DENND1B: variants seen among roughly 807,000 people sequenced by gnomAD.
The protein encoded by DENND1B is DENN domain containing 1B, also known as DENN domain-containing protein 1B.
In DENND1B, 59 loss-of-function variants were observed where a neutral mutation model predicts 90.1. The ratio of observed to expected loss-of-function variants is 0.65; its 90% CI spans 0.53 to 0.81. The LOEUF (loss-of-function observed/expected upper bound fraction) is 0.81. Ranked by LOEUF, DENND1B falls within the 40% of genes least tolerant of loss-of-function variation. The pLI, the probability that DENND1B is intolerant of heterozygous loss-of-function variation, is 0.00. For synonymous variants in DENND1B, 337 were observed against 324.6 expected (o/e 1.04, Z -0.41); for missense variants, 862 against 912.6 (o/e 0.94, Z 0.71).
chr1:197,638,321 T>C (rs1438505825), intron 10 of DENND1B, among the ~76,000 whole-genome samples: 1 of 152,150 alleles, frequency 6.6e-6, no homozygotes, highest in Admixed American at 6.5e-5. Context: ...TGAGGGTGAA[T>C]TTACTAACTA....
At chr1:197,650,925 C>T (rs1158836352) in intron 7 of DENND1B, among the ~76,000 whole-genome samples, 1 of 152,050 alleles carries the variant, frequency 6.6e-6, no homozygotes, top group South Asian at 2.1e-4. Flanking sequence ...GTGTATACTG[C>T]TAGAGTGATG....
intron 2 of DENND1B, among the ~76,000 whole-genome samples, chr1:197,750,897 G>T: frequency 6.6e-6 from 1 of 152,100 alleles, no homozygotes; most frequent in East Asian, 1.9e-4. Context: ...AGACATAATA[G>T]TTGTAAATGT....
At position 197,510,278 on chromosome 1, in the gene DENND1B, A is replaced by G. The variant is rs1307040104; in HGVS notation, c.*182T>C. On this transcript the variant is annotated 3_prime_UTR_variant, in exon 23 of 23. Transcript: ENST00000620048. ...GTACCTGATTTAAAAGCACAGTAGA[A>G]TTCGCTTTATATTTAAAAATCAATG... 5 of 673,722 alleles carry G rather than the reference A, an allele frequency of 7.4e-6. No homozygotes were observed. The highest frequency in any genetic ancestry group is 6.6e-5 in the Admixed American group (2 of 30,214). The allele number at this position is 673,722 out of a possible 1,614,324, so 41.7% of individuals were successfully genotyped here. A position where few individuals can be genotyped will look rare whatever the true frequency, so the allele number is the denominator to read the frequency against.
intron 15 of DENND1B, among the ~76,000 whole-genome samples, chr1:197,568,595 A>G (rs1312486874): frequency 2.0e-5 from 3 of 152,178 alleles, no homozygotes; most frequent in Non-Finnish European, 4.4e-5. Context: ...TCTGATCTCA[A>G]AATATACTAT....
chr1:197,664,668 G>C (rs1027550665), intron 5 of DENND1B, among the ~76,000 whole-genome samples: 5 of 152,092 alleles, frequency 3.3e-5, no homozygotes, highest in African/African-American at 9.7e-5. Context: ...CAATCAGCAG[G>C]AACCTAACTT....
At chr1:197,775,028 C>T in intron 1 of DENND1B, 111 bp downstream of exon 1, 2 of 774,874 alleles carry the variant, frequency 2.6e-6, no homozygotes, top group Admixed American at 4.8e-5. Context: ...CCCGGCCAAC[C>T]TCGGCCGCCC....
At chr1:197,684,417 C>G (rs1006595558) in intron 3 of DENND1B, among the ~76,000 whole-genome samples, 1 of 152,062 alleles carries the variant, frequency 6.6e-6, no homozygotes, top group African/African-American at 2.4e-5. Flanking sequence ...AGATTGCAAT[C>G]GATAATCAGC....
At chr1:197,763,531 A>G (rs1655357658) in intron 2 of DENND1B, among the ~76,000 whole-genome samples, 1 of 152,190 alleles carries the variant, frequency 6.6e-6, no homozygotes, top group Non-Finnish European at 1.5e-5. Flanking sequence ...TAAATGCAAC[A>G]ATCCCCTGCC....
At chr1:197,626,561 T>A (rs1345288182) in intron 10 of DENND1B, among the ~76,000 whole-genome samples, 10 of 152,054 alleles carry the variant, frequency 6.6e-5, no homozygotes, top group East Asian at 1.9e-4. Flanking sequence ...CTAAATGCCC[T>A]CAAGAGAAAG....
At chr1:197,571,801 GAA>G (rs778962541) in intron 15 of DENND1B, among the ~76,000 whole-genome samples, 10 of 152,104 alleles carry the variant, frequency 6.6e-5, no homozygotes, top group Non-Finnish European at 1.0e-4. Flanking sequence ...TAGACACACA[GAA>G]AAAAGAGTAC....
chr1:197,692,979 C>T (rs1658062188), intron 3 of DENND1B, among the ~76,000 whole-genome samples: 1 of 151,648 alleles, frequency 6.6e-6, no homozygotes, highest in Non-Finnish European at 1.5e-5. Context: ...AAATTAAAAA[C>T]ATCATCTTCC....
chr1:197,746,184 G>C (rs1663728499), intron 2 of DENND1B, among the ~76,000 whole-genome samples: 2 of 152,150 alleles, frequency 1.3e-5, no homozygotes, highest in Non-Finnish European at 2.9e-5. Context: ...ATCAGGCCAG[G>C]AGTTCAAGAC....
At chr1:197,587,442 C>T (rs1251269474) in intron 14 of DENND1B, among the ~76,000 whole-genome samples, 1 of 152,042 alleles carries the variant, frequency 6.6e-6, no homozygotes, top group African/African-American at 2.4e-5. Flanking sequence ...GATGGAAAGC[C>T]CAACAAAGGA....
chr1:197,610,521 A>C (rs1677088804), intron 12 of DENND1B, among the ~76,000 whole-genome samples: 1 of 150,698 alleles, frequency 6.6e-6, no homozygotes, highest in African/African-American at 2.4e-5. Flanking sequence ...ATAAATAAAT[A>C]AACATGTTAT....
chr1:197,511,785 T>A lies in DENND1B; in HGVS notation c.1758A>T (p.Ala586=). The part of the protein sequence containing the change: ...STHSSDQGKL[A]AAKSLDFFRS... ...TAAAGAAATCCAAGCTCTTTGCAGC[T>A]GCCAGCTTCCCCTGATCTGAGCTGT... The change falls in exon 22 of 23, where the codon GCA becomes GCT. Residue 586 remains alanine (A), a synonymous_variant. Transcript: ENST00000620048. The A allele has an allele frequency of 3.1e-6, 5 of 1,611,080 alleles. No individual in the cohort carries two copies. Among genetic ancestry groups the A allele is most frequent in the Non-Finnish European group, 4.2e-6 (5 of 1,178,116 alleles).
chr1:197,552,649 C>T, intron 16 of DENND1B: 1 of 1,011,770 alleles, frequency 9.9e-7, no homozygotes. Context: ...CAATCATAAC[C>T]TCAGTTCTTA....
At chr1:197,615,332 T>A (rs570920571) in intron 11 of DENND1B, among the ~76,000 whole-genome samples, 2 of 151,192 alleles carry the variant, frequency 1.3e-5, no homozygotes, top group Admixed American at 1.3e-4. Context: ...TGGACCAAGA[T>A]GCGATATCCA....
At chr1:197,655,598 C>G (rs1164412886) in intron 6 of DENND1B, among the ~76,000 whole-genome samples, 1 of 151,276 alleles carries the variant, frequency 6.6e-6, no homozygotes, top group South Asian at 2.1e-4. Flanking sequence ...CTGGCGCGAT[C>G]TGCGCTCACT....
intron 9 of DENND1B, 57 bp from the exon 10 acceptor site, chr1:197,642,878 A>C: frequency 8.7e-7 from 1 of 1,147,850 alleles, no homozygotes; most frequent in Non-Finnish European, 1.3e-6. Context: ...GTGAAGAAAA[A>C]CATTTTACAC....
Sources: allele counts gnomAD v4.1 joint callset (sites outside exome capture counted in the v4.1 genomes callset), GRCh38; gene constraint gnomAD v4.1.1; transcripts MANE v1.5; gene names NCBI Gene and HGNC (gene_info 2026-07-23, HGNC 2026-07-21).